SMAD4: variants seen among roughly 807,000 people sequenced by gnomAD.
The protein encoded by SMAD4 is MAD homolog 4.
Under a neutral mutation model 63.2 loss-of-function variants are expected in SMAD4, and 7 were observed. The observed-to-expected ratio is 0.11, with a 90% CI of 0.06 to 0.21. The LOEUF is 0.21. SMAD4 is among the 10% of genes least tolerant of loss of function. The pLI is 1.00. For synonymous variants in SMAD4, 215 were observed against 235.4 expected, an observed-to-expected ratio of 0.91 and a Z score of 0.79; for missense variants, 312 against 693.8, an observed-to-expected ratio of 0.45 and a Z score of 6.18.
chr18:51,056,575 G>A (rs1431919318), intron 5 of SMAD4, among the ~76,000 whole-genome samples: 1 of 138,554 alleles, frequency 7.2e-6, no homozygotes, highest in Non-Finnish European at 1.5e-5. Flanking sequence ...AGCAGAGAGC[G>A]AGTCACTGCA....
intron 4 of SMAD4, chr18:51,052,594 ATATAT>A: frequency 3.7e-6 from 1 of 267,600 alleles, no homozygotes; most frequent in Non-Finnish European, 7.5e-6. Flanking sequence ...ACTTTAAAAA[ATATAT>A]ACTATATGTT....
At chr18:51,042,268 A>AT (rs908546557) in intron 1 of SMAD4, among the ~76,000 whole-genome samples, 19 of 150,788 alleles carry the variant, frequency 1.3e-4, no homozygotes, top group African/African-American at 4.2e-4. Context: ...CTTTTAATTC[A>AT]TTTTTTTCTT....
rs1824059227 is a variant in SMAD4 at position 51,048,599 on chromosome 18, T to C, written c.250-87T>C. The C allele has an allele frequency of 6.0e-6, 7 of 1,166,218 alleles. No individual in the cohort carries two copies. In the Admixed American group the frequency reaches 1.3e-4, roughly 21 times the overall value. 72.2% of individuals were successfully genotyped at this position (1,166,218 alleles called of 1,614,324 possible). A position where few individuals can be genotyped will look rare whatever the true frequency, so the allele number is the denominator to read the frequency against. On this transcript the variant is annotated intron_variant, in intron 2 of 11. Transcript: ENST00000342988. The stretch of plus-strand genomic sequence containing the variant: ...ATGAAATGGGGATTGTAATACTGAG[T>C]TGGTAGGATTGTGAGGATTAAATCA...
intron 9 of SMAD4, among the ~76,000 whole-genome samples, chr18:51,065,981 T>C: frequency 1.3e-5 from 2 of 152,334 alleles, no homozygotes; most frequent in Admixed American, 1.3e-4. Flanking sequence ...TTAAAAAAAT[T>C]GGTAATAAAA....
At chr18:51,053,350 T>C (rs1162470593) in intron 4 of SMAD4, 2 of 152,182 alleles carry the variant, frequency 1.3e-5, no homozygotes, top group Non-Finnish European at 2.9e-5. Context: ...GGGTGTAATA[T>C]AAGGCTGAAT....
At chr18:51,062,623 C>T (rs1056689474) in intron 8 of SMAD4, among the ~76,000 whole-genome samples, 2 of 151,860 alleles carry the variant, frequency 1.3e-5, no homozygotes, top group Non-Finnish European at 2.9e-5. Context: ...CTCAGCCTCC[C>T]GAGTAGCTGG....
Position 51,073,388 on chromosome 18 carries a change from T to TATATATACACAC in SMAD4, c.1309-3249_1309-3248insTATATACACACA, listed in dbSNP as rs1417299090. Among the ~76,000 whole-genome samples the TATATATACACAC allele has an allele frequency of 1.1e-3, 68 of 64,140 alleles. 1 individual carries two copies. Among genetic ancestry groups the TATATATACACAC allele is most frequent in the African/African-American group, 3.2e-3 (42 of 13,086 alleles). 42.1% of individuals were successfully genotyped at this position (64,140 alleles called of 152,430 possible). On this transcript the variant is annotated intron_variant, in intron 10 of 11. Transcript: ENST00000342988. ...ATATATATATATATATATATATATATACACACACACACACACACACACACA... is the reference window on the plus strand; with the variant it reads ...ATATATATATATATATATATATATATATATATACACACACACACACACACACACACACACACA...
chr18:51,076,616 A>G (rs1006420523), intron 10 of SMAD4, 22 bp from the exon 11 acceptor site: 1 of 1,609,078 alleles, frequency 6.2e-7, no homozygotes, highest in Non-Finnish European at 8.5e-7. Context: ...AACTCATAGT[A>G]TGAAATGTTT....
chr18:51,079,425 T>G lies in SMAD4; in HGVS notation c.*958T>G, dbSNP rs1011429153. ...TGAATAAACTGAATATTTTGGAAAC[T>G]GCTAAATTCTATGTTAAATACTGTG... is the stretch of plus-strand genomic sequence containing the variant. On this transcript the variant is annotated 3_prime_UTR_variant, in exon 12 of 12. Transcript: ENST00000342988. 2 of 233,382 alleles carry G rather than the reference T, an allele frequency of 8.6e-6. No homozygotes were observed. Among genetic ancestry groups the G allele is most frequent in the African/African-American group, 4.4e-5 (2 of 45,352 alleles). 14.5% of individuals were successfully genotyped at this position (233,382 alleles called of 1,614,324 possible).
intron 1 of SMAD4, among the ~76,000 whole-genome samples, chr18:51,037,439 C>T (rs1210629957): frequency 6.6e-6 from 1 of 152,160 alleles, no homozygotes; most frequent in East Asian, 1.9e-4. Context: ...ACTGCTGGCA[C>T]TTTAAAATGA....
At chr18:51,061,546 G>C (rs1174591696) in intron 8 of SMAD4, among the ~76,000 whole-genome samples, 1 of 151,900 alleles carries the variant, frequency 6.6e-6, no homozygotes, top group Non-Finnish European at 1.5e-5. Flanking sequence ...TTTTTTTATG[G>C]CTGAATAGTA....
At chr18:51,046,319 A>C (rs1770062341) in intron 1 of SMAD4, among the ~76,000 whole-genome samples, 1 of 151,940 alleles carries the variant, frequency 6.6e-6, no homozygotes, top group African/African-American at 2.4e-5. Context: ...GTAGCAGCTC[A>C]TTGTGGTTTT....
At chr18:51,051,304 C>A (rs780561242) in intron 4 of SMAD4, 52 of 452,036 alleles carry the variant, frequency 1.2e-4, no homozygotes, top group Non-Finnish European at 2.1e-4. Context: ...CTTGTAGATC[C>A]CCCTAGTGGT....
At position 51,082,087 on chromosome 18, in the gene SMAD4, T is replaced by G; in HGVS notation, c.*3620T>G. On this transcript the variant is annotated 3_prime_UTR_variant, in exon 12 of 12. Transcript: ENST00000342988. The stretch of plus-strand genomic sequence containing the variant: ...GTTATTGCCAACTTTACTGGCATTT[T>G]ATTTAATGATAGCAGATTGGGAAAA... 1 of 230,246 alleles carries G rather than the reference T, an allele frequency of 4.3e-6. No individual in the cohort carries two copies. The highest frequency in any genetic ancestry group is 2.2e-5 in the African/African-American group (1 of 45,348). 14.3% of individuals were successfully genotyped at this position (230,246 alleles called of 1,614,324 possible).
intron 1 of SMAD4, among the ~76,000 whole-genome samples, chr18:51,041,490 C>T (rs1238181320): frequency 6.6e-6 from 1 of 152,172 alleles, no homozygotes; most frequent in African/African-American, 2.4e-5. Context: ...CAGTGCATTG[C>T]AGGGTATTTA....
chr18:51,066,769 T>G, intron 9 of SMAD4: 1 of 435,500 alleles, frequency 2.3e-6, no homozygotes, highest in East Asian at 4.5e-5. Context: ...ACTTGTTGAG[T>G]TGTAAGGGTT....
rs148190627 is a variant in SMAD4 at position 51,080,955 on chromosome 18, T to A, written c.*2488T>A. The A allele has an allele frequency of 1.2e-3, 239 of 199,000 alleles. 1 individual carries two copies. The highest frequency in any genetic ancestry group is 5.5e-3 in the African/African-American group (238 of 43,592). 12.3% of individuals were successfully genotyped at this position (199,000 alleles called of 1,614,324 possible). A position where few individuals can be genotyped will look rare whatever the true frequency, so the allele number is the denominator to read the frequency against. On this transcript the variant is annotated 3_prime_UTR_variant, in exon 12 of 12. Transcript: ENST00000342988. ...TTGGAGCCAAGCCACCTGTCTTGGT[T>A]TCTTTCTACTAAGAGCCATAAAGTA... is the stretch of plus-strand genomic sequence containing the variant.
At chr18:51,073,432 C>T (rs1373456588) in intron 10 of SMAD4, among the ~76,000 whole-genome samples, 1 of 127,826 alleles carries the variant, frequency 7.8e-6, no homozygotes, top group East Asian at 2.3e-4. Flanking sequence ...CACACACACA[C>T]ACCATACTTG....
chr18:51,049,332 A>G lies in SMAD4; in HGVS notation c.454+8A>G. The G allele has an allele frequency of 1.9e-6, 3 of 1,596,372 alleles. No homozygotes were observed. Among genetic ancestry groups the G allele is most frequent in the South Asian group, 2.2e-5 (2 of 90,676 alleles). ...TAACACTGCAGAGTAATGGTAGGTA[A>G]TCTGTTTCTTACTACTTTCTCTTTG... On this transcript the variant is annotated splice_region_variant and intron_variant, in intron 4 of 11. Coordinates refer to ENST00000342988, the MANE Select transcript of SMAD4 (RefSeq NM_005359.6).
Sources: allele counts gnomAD v4.1 joint callset (sites outside exome capture counted in the v4.1 genomes callset), GRCh38; gene constraint gnomAD v4.1.1; transcripts MANE v1.5; gene names NCBI Gene and HGNC (gene_info 2026-07-23, HGNC 2026-07-21).